Variants in CCDC149 observed in about 807,000 individuals in gnomAD.
CCDC149 encodes coiled-coil domain-containing protein 149.
CCDC149 carries 45 observed loss-of-function variants against 59.9 expected under a neutral mutation model. That is an observed-to-expected ratio of 0.75 (90% confidence interval 0.59 to 0.96). The LOEUF is 0.96. CCDC149 is among the 40% of genes least tolerant of loss of function. The pLI is 0.00. For missense variants in CCDC149, 584 were observed against 664.7 expected, an observed-to-expected ratio of 0.88 and a Z score of 1.33; for synonymous variants, 245 against 260.6, an observed-to-expected ratio of 0.94 and a Z score of 0.58.
At chr4:24,911,880 T>C (rs1374259785) in intron 1 of CCDC149, among the ~76,000 whole-genome samples, 2 of 152,202 alleles carry the variant, frequency 1.3e-5, no homozygotes, top group East Asian at 3.9e-4. Context: ...CACTCTGCAT[T>C]GTGTGCACAG....
At chr4:24,866,138 A>G (rs1718681043) in intron 3 of CCDC149, among the ~76,000 whole-genome samples, 1 of 152,142 alleles carries the variant, frequency 6.6e-6, no homozygotes, top group Non-Finnish European at 1.5e-5. Flanking sequence ...TTTTATGGAA[A>G]TGAAAGGTTC....
intron 1 of CCDC149, among the ~76,000 whole-genome samples, chr4:24,941,968 C>A (rs1247458528): frequency 3.3e-5 from 5 of 152,132 alleles, no homozygotes; most frequent in Admixed American, 3.3e-4. Flanking sequence ...ACCAGAGGTA[C>A]AAGTAGGAGC....
chr4:24,852,539 A>G (rs1269039646), intron 4 of CCDC149, among the ~76,000 whole-genome samples: 1 of 152,140 alleles, frequency 6.6e-6, no homozygotes, highest in Admixed American at 6.6e-5. Flanking sequence ...TTGGGAGTTT[A>G]TGAGTTCATA....
Position 24,920,231 on chromosome 4 carries a change from T to C in CCDC149, c.-64-25113A>G, listed in dbSNP as rs77602097. ...TGGGTGGTTTTCATGTGGAGTTTCC[T>C]GGGTGAATGTAAATGATGGCCACAG... On this transcript the variant is annotated intron_variant, in intron 1 of 12. Coordinates refer to the CCDC149 transcript ENST00000389609. Among the ~76,000 whole-genome samples the C allele has an allele frequency of 9.3e-3, 1,419 of 152,350 alleles. 31 individuals carry two copies. The highest frequency in any genetic ancestry group is 0.032 in the African/African-American group (1,348 of 41,576).
chr4:24,845,229 G>A (rs938004498), intron 4 of CCDC149, among the ~76,000 whole-genome samples: 3 of 152,096 alleles, frequency 2.0e-5, no homozygotes, highest in South Asian at 2.1e-4. Flanking sequence ...CCCTAAGCTC[G>A]CTCCCCTCAC....
At chr4:24,814,022 A>G (rs536484790) in intron 12 of CCDC149, among the ~76,000 whole-genome samples, 26 of 152,220 alleles carry the variant, frequency 1.7e-4, no homozygotes, top group Non-Finnish European at 3.4e-4. Flanking sequence ...TTCTCCTGAT[A>G]TAAATTTGCT....
chr4:24,973,936 GCC>G (rs1275397504), intron 1 of CCDC149, among the ~76,000 whole-genome samples: 4 of 152,256 alleles, frequency 2.6e-5, no homozygotes, highest in African/African-American at 9.6e-5. Context: ...CAGTCCCCGA[GCC>G]CGGGAAGCCC....
chr4:24,893,519 G>A (rs1361905444), intron 1 of CCDC149, among the ~76,000 whole-genome samples: 1 of 149,064 alleles, frequency 6.7e-6, no homozygotes, highest in African/African-American at 2.5e-5. Context: ...GGCTATCTGA[G>A]ACACAAAAGT....
chr4:24,830,924 A>G (rs1394640013), intron 9 of CCDC149: 1 of 152,376 alleles, frequency 6.6e-6, no homozygotes, highest in Non-Finnish European at 1.5e-5. Context: ...TCTTGATATT[A>G]CCTCTGTCAT....
chr4:24,835,126 C>A (rs1716422998), intron 7 of CCDC149, 94 bp from the exon 8 acceptor site: 1 of 777,718 alleles, frequency 1.3e-6, no homozygotes, highest in Non-Finnish European at 2.2e-6. Flanking sequence ...CCCACAAGAA[C>A]CCCTTGCAAA....
intron 9 of CCDC149, 119 bp from the exon 10 acceptor site, chr4:24,822,692 G>T: frequency 3.2e-6 from 2 of 619,696 alleles, no homozygotes; most frequent in Middle Eastern, 2.6e-4. Context: ...TGCAAAAAAT[G>T]GAGTATTTGT....
downstream of CCDC149, among the ~76,000 whole-genome samples, chr4:24,803,844 G>C (rs1713994418): frequency 6.6e-6 from 1 of 152,198 alleles, no homozygotes. This position sits in a 1 kb window ranked among gnomAD's most constrained non-coding sequence, Gnocchi z 4.3. Flanking sequence ...ATGTAAGGCA[G>C]CATGTCCATA....
chr4:24,845,990 A>G (rs1203030473), intron 4 of CCDC149, among the ~76,000 whole-genome samples: 1 of 152,268 alleles, frequency 6.6e-6, no homozygotes, highest in African/African-American at 2.4e-5. Flanking sequence ...AGTCTTGGGC[A>G]GAGATATCTT....
At chr4:24,943,423 G>C (rs1723008241) in intron 1 of CCDC149, among the ~76,000 whole-genome samples, 2 of 151,872 alleles carry the variant, frequency 1.3e-5, no homozygotes, top group South Asian at 4.2e-4. Flanking sequence ...ATTCAAGATG[G>C]ATTAAAGACT....
chr4:24,840,018 C>T (rs974973025), intron 4 of CCDC149, among the ~76,000 whole-genome samples: 4 of 152,062 alleles, frequency 2.6e-5, no homozygotes, highest in Admixed American at 1.3e-4. Flanking sequence ...TTTTCAGAGT[C>T]TCTGAAGGAT....
rs574464908 is a variant in CCDC149 at position 24,943,054 on chromosome 4, G to A, written c.-65+37015C>T. On this transcript the variant is annotated intron_variant, in intron 1 of 12. Coordinates refer to the CCDC149 transcript ENST00000389609. ...CAGAATTGGAAAAAACTACTTTAAAGTTCATATGGAACCAAAAAAGAGCCC... is the reference window on the plus strand; with the variant it reads ...CAGAATTGGAAAAAACTACTTTAAAATTCATATGGAACCAAAAAAGAGCCC... Among the ~76,000 whole-genome samples the A allele has an allele frequency of 1.8e-3, 277 of 151,412 alleles. 1 individual carries two copies. Among genetic ancestry groups the A allele is most frequent in the Middle Eastern group, 6.9e-3 (2 of 290 alleles).
chr4:24,810,196 G>A (rs558324977), intron 12 of CCDC149, among the ~76,000 whole-genome samples: 9 of 152,230 alleles, frequency 5.9e-5, no homozygotes, highest in East Asian at 1.9e-4. Flanking sequence ...AACATTTGAC[G>A]TGTTTATCTC....
chr4:24,939,820 C>T (rs996496282), intron 1 of CCDC149, among the ~76,000 whole-genome samples: 16 of 151,982 alleles, frequency 1.1e-4, no homozygotes, highest in East Asian at 9.6e-4. Flanking sequence ...ATGAATGAAA[C>T]GATGCGTGAA....
At chr4:24,923,934 C>G (rs1002082287) in intron 1 of CCDC149, among the ~76,000 whole-genome samples, 2 of 152,216 alleles carry the variant, frequency 1.3e-5, no homozygotes, top group African/African-American at 2.4e-5. Flanking sequence ...AACTGTGATT[C>G]TCTCTTCACC....
Sources: allele counts gnomAD v4.1 joint callset (sites outside exome capture counted in the v4.1 genomes callset), GRCh38; gene constraint gnomAD v4.1.1; non-coding constraint Gnocchi (gnomAD v3.1); transcripts MANE v1.5; gene names NCBI Gene and HGNC (gene_info 2026-07-23, HGNC 2026-07-21).